DOCK9: variants seen among roughly 807,000 people sequenced by gnomAD.
DOCK9 encodes the protein dedicator of cytokinesis protein 9.
DOCK9 carries 89 observed loss-of-function variants against 263.3 expected under a neutral mutation model. The ratio of observed to expected loss-of-function variants is 0.34; its 90% confidence interval spans 0.28 to 0.40. The LOEUF (loss-of-function observed/expected upper bound fraction) is 0.40. Among genes scored for constraint, DOCK9 ranks in the 10% least tolerant of loss-of-function variants. The pLI is 1.00. For missense variants in DOCK9, 2,140 were observed against 2,603.4 expected (o/e 0.82, Z 3.87); for synonymous variants, 976 against 973.1 (o/e 1.00, Z -0.06).
intron 3 of DOCK9, among the ~76,000 whole-genome samples, chr13:98,927,896 G>C (rs1286536442): frequency 6.6e-6 from 1 of 151,934 alleles, no homozygotes; most frequent in Non-Finnish European, 1.5e-5. Context: ...TGGGATTACA[G>C]GCGTGAGCCA....
chr13:98,913,142 A>C (rs1392278915), intron 9 of DOCK9, among the ~76,000 whole-genome samples: 2 of 152,214 alleles, frequency 1.3e-5, no homozygotes, highest in African/African-American at 2.4e-5. Context: ...GAGATTTTAC[A>C]CTTGAGAACA....
chr13:98,880,599 G>T lies in DOCK9; in HGVS notation c.2819C>A (p.Thr940Asn). 1 of 1,613,916 alleles carries T rather than the reference G, an allele frequency of 6.2e-7. No homozygotes were observed. Among genetic ancestry groups the T allele is most frequent in the Non-Finnish European group, 8.5e-7 (1 of 1,179,864 alleles). ...ATCGGCAGAAGGCTTGAGAATCGTG[G>T]TCATGGATTTGGTCAGTTCTTCATG... Reference protein sequence around the residue: ...TVHEELTKSMTTILKPSADFL... With the variant: ...TVHEELTKSMNTILKPSADFL... The change falls in exon 26 of 53, where the codon ACC becomes AAC. Residue 940 changes from threonine to asparagine, a missense_variant. Thr to Asn is a moderately conservative substitution (Grantham distance 65). Coordinates refer to ENST00000682017, the MANE Select transcript of DOCK9 (RefSeq NM_001366683.2).
intron 39 of DOCK9, 63 bp downstream of exon 39, chr13:98,837,431 C>G: frequency 8.4e-7 from 1 of 1,183,876 alleles, no homozygotes; most frequent in Non-Finnish European, 1.2e-6. Flanking sequence ...GCTCACTGAG[C>G]TTACCAAGCA....
At chr13:99,027,003 C>T (rs1367626480) in intron 1 of DOCK9, among the ~76,000 whole-genome samples, 1 of 152,084 alleles carries the variant, frequency 6.6e-6, no homozygotes, top group Non-Finnish European at 1.5e-5. Context: ...CACATGGTCT[C>T]ATTTAATCTT....
chr13:98,846,430 A>AT lies in DOCK9; in HGVS notation c.4062-371dup, dbSNP rs908791251. The AT allele has an allele frequency of 4.1e-4, 337 of 820,932 alleles. 1 individual carries two copies. Among genetic ancestry groups the AT allele is most frequent in the Middle Eastern group, 3.6e-3 (11 of 3,080 alleles). 50.9% of individuals were successfully genotyped at this position (820,932 alleles called of 1,614,324 possible). A position where few individuals can be genotyped will look rare whatever the true frequency, so the allele number is the denominator to read the frequency against. ...TGTTCTGAAAAAGCAAAAGACATGT[A>AT]TTTTTTTTAATTAAAAAATGCATTG... is the stretch of plus-strand genomic sequence containing the variant. On this transcript the variant is annotated intron_variant, in intron 37 of 52. Coordinates refer to ENST00000682017, the MANE Select transcript of DOCK9 (RefSeq NM_001366683.2).
chr13:98,940,685 C>A (rs1387062551), intron 2 of DOCK9, among the ~76,000 whole-genome samples: 1 of 134,330 alleles, frequency 7.4e-6, no homozygotes, highest in Admixed American at 8.3e-5. Context: ...GGGGCCTTCT[C>A]TGCCTCTCTA....
chr13:98,922,440 C>T (rs967123504), intron 5 of DOCK9, among the ~76,000 whole-genome samples: 3 of 152,174 alleles, frequency 2.0e-5, no homozygotes, highest in South Asian at 4.1e-4. Flanking sequence ...AAAGGACATA[C>T]CTCAACTGAC....
chr13:98,806,530 A>C (rs766263192), intron 48 of DOCK9, among the ~76,000 whole-genome samples: 7 of 152,262 alleles, frequency 4.6e-5, no homozygotes, highest in Non-Finnish European at 1.0e-4. Flanking sequence ...AACTGTTCTC[A>C]AAACAGAGAC....
rs554062817 is a variant in DOCK9, at chr13:99,071,879, T to C, written c.129+14344A>G. 2.6e-5 allele frequency among the ~76,000 whole-genome samples: 4 copies of C among 152,288 alleles called. No individual in the cohort carries two copies. The East Asian group carries it at 7.7e-4, about 29-fold the overall frequency. ...CAGACTGTCTGACGTCAACTTCTTTTCTGGCAGTGCCTCTTCTTCTACGTC... is the reference window on the plus strand; with the variant it reads ...CAGACTGTCTGACGTCAACTTCTTTCCTGGCAGTGCCTCTTCTTCTACGTC... On this transcript the variant is annotated intron_variant, in intron 1 of 32. Coordinates refer to the DOCK9 transcript ENST00000427887.
In DOCK9 at chr13:98,950,583, G is replaced by A. The variant is rs576992856; in HGVS notation, c.243+4852C>T. 263 of 288,978 alleles carry A rather than the reference G, an allele frequency of 9.1e-4. 1 individual carries two copies. The Middle Eastern group carries it at 0.024, about 27-fold the overall frequency. The allele number at this position is 288,978 out of a possible 1,614,324, so 17.9% of individuals were successfully genotyped here. A position where few individuals can be genotyped will look rare whatever the true frequency, so the allele number is the denominator to read the frequency against. ...CACCCAAAGTGCTGGGGTTACAGGC[G>A]TGAGCCAACGAACCCGGCCCAACAC... On this transcript the variant is annotated intron_variant, in intron 2 of 52. Coordinates refer to ENST00000682017, the MANE Select transcript of DOCK9 (RefSeq NM_001366683.2).
chr13:98,823,135 A>C (rs1566606504), intron 45 of DOCK9, among the ~76,000 whole-genome samples: 1 of 152,186 alleles, frequency 6.6e-6, no homozygotes, highest in Non-Finnish European at 1.5e-5. Context: ...TTTCCAAAAA[A>C]AAAAAGAGTG....
At chr13:98,820,733 C>A in intron 45 of DOCK9, 1 of 398,762 alleles carries the variant, frequency 2.5e-6, no homozygotes. Flanking sequence ...CCTTTCTTCT[C>A]CAGATATTGA....
chr13:99,079,050 C>G (rs2042021898), intron 1 of DOCK9, among the ~76,000 whole-genome samples: 2 of 152,202 alleles, frequency 1.3e-5, no homozygotes, highest in African/African-American at 4.8e-5. Context: ...AATTTTATGA[C>G]AGGTACACTT....
chr13:98,999,316 A>ACACACACACACACACACACACTCT, intron 1 of DOCK9, among the ~76,000 whole-genome samples: 16 of 138,370 alleles, frequency 1.2e-4, no homozygotes, highest in South Asian at 5.4e-4. Context: ...ACACACACAC[A>ACACACACACACACACACACACTCT]CTCTCTCTCT....
chr13:98,826,685 A>T (rs2092553651), intron 44 of DOCK9, 145 bp downstream of exon 44: 1 of 642,814 alleles, frequency 1.6e-6, no homozygotes, highest in African/African-American at 1.8e-5. Flanking sequence ...TCAAGCAAAC[A>T]TCACGCCAGG....
chr13:98,904,562 C>A, intron 10 of DOCK9, 70 bp downstream of exon 10: 1 of 1,160,486 alleles, frequency 8.6e-7, no homozygotes, highest in South Asian at 1.5e-5. Flanking sequence ...AACAAATAAA[C>A]AAATAAGCCC....
chr13:99,051,496 A>C (rs182427983), intron 1 of DOCK9, among the ~76,000 whole-genome samples: 1 of 152,276 alleles, frequency 6.6e-6, no homozygotes, highest in East Asian at 1.9e-4. Flanking sequence ...TGCAGCTTTC[A>C]TACTAATGAA....
At chr13:98,837,014 C>CAA (rs34291682) in intron 39 of DOCK9, among the ~76,000 whole-genome samples, 87 of 146,876 alleles carry the variant, frequency 5.9e-4, no homozygotes, top group Admixed American at 3.9e-3. Flanking sequence ...AAAAACAAGA[C>CAA]AAAAAAAAAA....
intron 27 of DOCK9, among the ~76,000 whole-genome samples, chr13:98,878,804 G>T (rs1458343584): frequency 6.6e-6 from 1 of 152,198 alleles, no homozygotes; most frequent in African/African-American, 2.4e-5. Flanking sequence ...AGGGCTTTAG[G>T]CCTGAACCAT....
Sources: gnomAD v4.1 joint callset for allele counts (sites outside exome capture counted in the v4.1 genomes callset) on GRCh38, gnomAD v4.1.1 for gene constraint, MANE v1.5 for transcripts, NCBI Gene and HGNC (gene_info 2026-07-23, HGNC 2026-07-21) for gene names.